LIMD1: variants seen among roughly 807,000 people sequenced by gnomAD.
LIMD1 encodes LIM domain-containing protein 1.
In LIMD1, 23 loss-of-function variants were observed where a neutral mutation model predicts 58.4. The ratio of observed to expected loss-of-function variants is 0.39; its 90% CI spans 0.28 to 0.56. The LOEUF (loss-of-function observed/expected upper bound fraction) is 0.56. Ranked by LOEUF, LIMD1 falls within the 20% of genes least tolerant of loss-of-function variation. The pLI, the probability that LIMD1 is intolerant of heterozygous loss-of-function variation, is 0.57. For missense variants in LIMD1, 838 were observed against 855.5 expected (o/e 0.98, Z 0.25); for synonymous variants, 334 against 345.5 (o/e 0.97, Z 0.37).
intron 2 of LIMD1, among the ~76,000 whole-genome samples, chr3:45,658,405 T>C (rs909060375): frequency 2.6e-5 from 4 of 152,144 alleles, no homozygotes; most frequent in Non-Finnish European, 5.9e-5. Flanking sequence ...AGAGGACTTA[T>C]CTAGCCAGCT....
At chr3:45,606,002 C>G (rs1297828287) in intron 1 of LIMD1, among the ~76,000 whole-genome samples, 1 of 152,192 alleles carries the variant, frequency 6.6e-6, no homozygotes, top group Admixed American at 6.5e-5. Context: ...GGAGGGACTT[C>G]CATTAGGCCG....
chr3:45,604,749 C>T (rs1270228551), intron 1 of LIMD1, among the ~76,000 whole-genome samples: 1 of 152,184 alleles, frequency 6.6e-6, no homozygotes, highest in Non-Finnish European at 1.5e-5. Flanking sequence ...CTGCTGGGAG[C>T]TGTAGCCCTG....
intron 1 of LIMD1, among the ~76,000 whole-genome samples, chr3:45,633,003 G>C (rs1701750888): frequency 3.3e-5 from 5 of 152,208 alleles, no homozygotes; most frequent in Non-Finnish European, 7.3e-5. Context: ...AAGAAATGCA[G>C]TTTGCCCGGA....
intron 2 of LIMD1, among the ~76,000 whole-genome samples, chr3:45,665,416 C>T (rs920768122): frequency 3.3e-5 from 5 of 152,034 alleles, no homozygotes; most frequent in African/African-American, 1.2e-4. Context: ...TCCAAGTCAG[C>T]CCTTGAGTCT....
At chr3:45,604,790 T>C (rs1701452284) in intron 1 of LIMD1, among the ~76,000 whole-genome samples, 1 of 152,312 alleles carries the variant, frequency 6.6e-6, no homozygotes, top group South Asian at 2.1e-4. Flanking sequence ...CCACAGCGTC[T>C]GCCTGTCCCG....
intron 1 of LIMD1, among the ~76,000 whole-genome samples, chr3:45,634,265 T>C (rs1701764794): frequency 6.6e-6 from 1 of 152,248 alleles, no homozygotes; most frequent in African/African-American, 2.4e-5. Context: ...TGAATCTTTT[T>C]TCATCTTGTG....
intron 2 of LIMD1, among the ~76,000 whole-genome samples, chr3:45,636,923 A>G (rs1701795094): frequency 1.3e-5 from 2 of 152,214 alleles, no homozygotes; most frequent in Admixed American, 1.3e-4. Flanking sequence ...TGACCAAGTT[A>G]TGGATTTTGC....
rs939577565 is a variant in LIMD1, at chr3:45,612,227, G to A, written c.1408+15940G>A. 2.0e-5 allele frequency among the ~76,000 whole-genome samples: 3 copies of A among 152,126 alleles called. No homozygotes were observed. In the South Asian group the frequency reaches 6.2e-4, roughly 32 times the overall value. ...AGCCCCCCGAATAACTGGAAACACA[G>A]GTATGCACAACCATGCCTGGCTAAT... On this transcript the variant is annotated intron_variant, in intron 1 of 7. Transcript: ENST00000273317.
At chr3:45,636,710 A>G (rs895039538) in intron 2 of LIMD1, among the ~76,000 whole-genome samples, 3 of 152,124 alleles carry the variant, frequency 2.0e-5, no homozygotes, top group African/African-American at 4.8e-5. Context: ...CCCTAACCTA[A>G]TCTTTGATTT....
chr3:45,665,096 C>T (rs986571017), intron 2 of LIMD1, among the ~76,000 whole-genome samples: 2 of 151,982 alleles, frequency 1.3e-5, no homozygotes, highest in Admixed American at 1.3e-4. Context: ...TTCCCACTCC[C>T]GCCTACTCGT....
chr3:45,677,128 C>T lies in LIMD1; in HGVS notation c.*69C>T. 1 of 1,566,666 alleles carries T rather than the reference C, an allele frequency of 6.4e-7. No individual in the cohort carries two copies. The highest frequency in any genetic ancestry group is 8.7e-7 in the Non-Finnish European group (1 of 1,151,528). ...GGTTGCTGCTGCTGCTTCCGGTGGC[C>T]CCTGGGGTGGAAGTGGGGTAGGGGA... On this transcript the variant is annotated 3_prime_UTR_variant, in exon 8 of 8. Coordinates refer to ENST00000273317, the MANE Select transcript of LIMD1 (RefSeq NM_014240.3).
intron 2 of LIMD1, among the ~76,000 whole-genome samples, chr3:45,638,985 T>G (rs1701815679): frequency 6.6e-6 from 1 of 152,176 alleles, no homozygotes; most frequent in African/African-American, 2.4e-5. Flanking sequence ...CCTTCTGCCT[T>G]AGCTTCTGAG....
intron 4 of LIMD1, among the ~76,000 whole-genome samples, chr3:45,670,477 C>T (rs1697575443): frequency 6.6e-6 from 1 of 152,140 alleles, no homozygotes; most frequent in South Asian, 2.1e-4. Context: ...GCTGGGGTCT[C>T]CTACTTAACT....
intron 1 of LIMD1, among the ~76,000 whole-genome samples, chr3:45,613,828 C>T (rs531674993): frequency 7.2e-5 from 11 of 152,144 alleles, no homozygotes; most frequent in East Asian, 1.9e-4. Flanking sequence ...CACAGGCTTT[C>T]GTTTCTCTTG....
Position 45,673,413 on chromosome 3 carries a change from C to G in LIMD1, c.1773-41C>G, listed in dbSNP as rs1166134648. The G allele has an allele frequency of 5.1e-6, 8 of 1,580,632 alleles. No individual in the cohort carries two copies. In the African/African-American group the frequency reaches 8.1e-5, roughly 16 times the overall value. On this transcript the variant is annotated intron_variant, in intron 5 of 7. Coordinates refer to ENST00000273317, the MANE Select transcript of LIMD1 (RefSeq NM_014240.3). ...TGCAAGTCTGACTCTGGAATTTGCT[C>G]CCAGAAGCAACATTTATTGCTGCTT... is the stretch of plus-strand genomic sequence containing the variant.
intron 1 of LIMD1, among the ~76,000 whole-genome samples, chr3:45,602,779 A>G (rs1422492476): frequency 6.6e-6 from 1 of 151,922 alleles, no homozygotes; most frequent in Non-Finnish European, 1.5e-5. Flanking sequence ...ACATGACTAC[A>G]GATGCCCTTC....
intron 2 of LIMD1, among the ~76,000 whole-genome samples, chr3:45,664,528 G>C (rs1296953496): frequency 6.6e-6 from 1 of 152,202 alleles, no homozygotes; most frequent in African/African-American, 2.4e-5. Context: ...GAAACATTCA[G>C]ACAACACTAG....
intron 1 of LIMD1, among the ~76,000 whole-genome samples, chr3:45,625,781 G>A (rs996824681): frequency 1.3e-5 from 2 of 152,230 alleles, no homozygotes; most frequent in African/African-American, 2.4e-5. Flanking sequence ...TGGCAGATAC[G>A]GGCCCTTCAT....
chr3:45,617,918 C>T lies in LIMD1; in HGVS notation c.1409-18232C>T, dbSNP rs1230610831. On this transcript the variant is annotated intron_variant, in intron 1 of 7. Transcript: ENST00000273317. ...TCTTTTCCTTCTCTGGTATAGCCTT[C>T]CTCCTCTTTGGTGAATGCAGATTCA... is the stretch of plus-strand genomic sequence containing the variant. Among the ~76,000 whole-genome samples, 2 of 152,228 alleles carry T rather than the reference C, an allele frequency of 1.3e-5. 1 individual carries two copies. Among genetic ancestry groups the T allele is most frequent in the Middle Eastern group, 6.3e-3 (2 of 316 alleles).
Sources: gnomAD v4.1 joint callset for allele counts (sites outside exome capture counted in the v4.1 genomes callset) on GRCh38, gnomAD v4.1.1 for gene constraint, MANE v1.5 for transcripts, NCBI Gene and HGNC (gene_info 2026-07-23, HGNC 2026-07-21) for gene names.